POT1: variants seen among roughly 807,000 people sequenced by gnomAD.
POT1 encodes protection of telomeres 1.
POT1 carries 47 observed loss-of-function variants against 78.5 expected under a neutral mutation model. That is an observed-to-expected ratio of 0.60 (90% CI 0.47 to 0.76). The LOEUF is 0.76. Ranked by LOEUF, POT1 falls within the 30% of genes least tolerant of loss-of-function variation. The probability of loss-of-function intolerance (pLI) is 0.00; values close to 1 mark genes in which losing one functional copy is unlikely to be tolerated. For synonymous variants in POT1, 259 were observed against 260.7 expected (o/e 0.99, Z 0.06); for missense variants, 646 against 749.9 (o/e 0.86, Z 1.62).
chr7:124,927,801 C>G (rs1258995629), intron 2 of POT1, among the ~76,000 whole-genome samples: 1 of 152,138 alleles, frequency 6.6e-6, no homozygotes, highest in East Asian at 1.9e-4. Context: ...GTATGTACCC[C>G]CTATTTTCTT....
chr7:124,919,872 T>A (rs962548750), intron 2 of POT1, among the ~76,000 whole-genome samples: 4 of 152,146 alleles, frequency 2.6e-5, no homozygotes, highest in African/African-American at 9.7e-5. Flanking sequence ...ACAAACTCCG[T>A]GTGCACGTTA....
At chr7:124,844,552 C>T (rs1269258407) in intron 12 of POT1, among the ~76,000 whole-genome samples, 3 of 150,170 alleles carry the variant, frequency 2.0e-5, no homozygotes, top group African/African-American at 2.4e-5. Flanking sequence ...CTGGCTAACA[C>T]GGTGAAACCC....
intron 7 of POT1, among the ~76,000 whole-genome samples, chr7:124,866,557 A>G (rs1477828117): frequency 6.6e-6 from 1 of 152,174 alleles, no homozygotes; most frequent in Non-Finnish European, 1.5e-5. Context: ...ACTTTTAGAC[A>G]TCCCCTTCTG....
intron 17 of POT1, among the ~76,000 whole-genome samples, chr7:124,826,355 T>C (rs938222513): frequency 6.6e-6 from 1 of 152,186 alleles, no homozygotes; most frequent in South Asian, 2.1e-4. Flanking sequence ...TTAATGTACA[T>C]CCTTTAGCTG....
intron 3 of POT1, among the ~76,000 whole-genome samples, chr7:124,907,828 A>AT (rs1469659168): frequency 6.6e-6 from 1 of 152,120 alleles, no homozygotes; most frequent in East Asian, 1.9e-4. Flanking sequence ...TTTAAAAAGT[A>AT]TTTTTTAAAA....
At chr7:124,895,628 G>C (rs931667219) in intron 5 of POT1, among the ~76,000 whole-genome samples, 4 of 151,606 alleles carry the variant, frequency 2.6e-5, no homozygotes, top group African/African-American at 9.7e-5. Context: ...AACACAAATA[G>C]ACCCTGCACC....
At chr7:124,827,811 C>T (rs897519623) in intron 16 of POT1, among the ~76,000 whole-genome samples, 3 of 152,018 alleles carry the variant, frequency 2.0e-5, no homozygotes, top group Non-Finnish European at 2.9e-5. Flanking sequence ...ATCACCTGGG[C>T]GGATCTTGAG....
chr7:124,897,765 G>C (rs1456965116), intron 4 of POT1, among the ~76,000 whole-genome samples: 1 of 151,856 alleles, frequency 6.6e-6, no homozygotes, highest in East Asian at 1.9e-4. Flanking sequence ...GCAGATGTTG[G>C]CCTGCAGGCT....
intron 6 of POT1, among the ~76,000 whole-genome samples, chr7:124,884,531 C>T (rs1398339950): frequency 1.3e-5 from 2 of 152,014 alleles, no homozygotes; most frequent in African/African-American, 4.8e-5. Context: ...TGGAACAGAC[C>T]ATACCTGAGG....
intron 2 of POT1, among the ~76,000 whole-genome samples, chr7:124,926,671 G>A (rs1797281266): frequency 1.3e-5 from 2 of 152,152 alleles, no homozygotes; most frequent in South Asian, 4.1e-4. Flanking sequence ...ACAAAGATAT[G>A]CAATCAACCA....
intron 13 of POT1, among the ~76,000 whole-genome samples, chr7:124,841,500 T>C (rs566287694): frequency 6.6e-6 from 1 of 151,936 alleles, no homozygotes; most frequent in Non-Finnish European, 1.5e-5. Context: ...CTGTAAAGAA[T>C]GCTAAATTTC....
intron 8 of POT1, among the ~76,000 whole-genome samples, chr7:124,859,648 T>A (rs185538154): frequency 6.6e-6 from 1 of 151,388 alleles, no homozygotes; most frequent in East Asian, 1.9e-4. Context: ...CTTTTTCTTC[T>A]CCAAACCGTA....
At chr7:124,907,423 A>C (rs973699346) in intron 3 of POT1, among the ~76,000 whole-genome samples, 5 of 152,020 alleles carry the variant, frequency 3.3e-5, no homozygotes, top group African/African-American at 1.2e-4. Context: ...TCAACAATTA[A>C]CTTAACTGCT....
chr7:124,875,869 T>C (rs1320733283), intron 6 of POT1, among the ~76,000 whole-genome samples: 1 of 152,206 alleles, frequency 6.6e-6, no homozygotes, highest in Non-Finnish European at 1.5e-5. Context: ...CTAAAATGAC[T>C]TGTGATGGCA....
intron 6 of POT1, among the ~76,000 whole-genome samples, chr7:124,872,133 G>T (rs1283115169): frequency 2.6e-5 from 4 of 151,936 alleles, no homozygotes; most frequent in Non-Finnish European, 5.9e-5. Context: ...TGTCCTCCAG[G>T]TTCATCCATG....
intron 17 of POT1, among the ~76,000 whole-genome samples, chr7:124,825,762 A>G (rs932526471): frequency 6.6e-6 from 1 of 152,170 alleles, no homozygotes; most frequent in African/African-American, 2.4e-5. Context: ...GAAGGAAGGA[A>G]TTTTGTTTAC....
intron 9 of POT1, among the ~76,000 whole-genome samples, chr7:124,858,247 G>A (rs377380027): frequency 6.6e-6 from 1 of 152,132 alleles, no homozygotes; most frequent in South Asian, 2.1e-4. Flanking sequence ...TGTCTTATAG[G>A]AGAGTACCAA....
intron 18 of POT1, 51 bp downstream of exon 18, chr7:124,825,201 G>A (rs1386194267): frequency 8.2e-7 from 1 of 1,213,930 alleles, no homozygotes; most frequent in East Asian, 2.3e-5. Context: ...ATATATGTTA[G>A]TGCTATCTCA....
At chr7:124,915,030 A>G (rs1180572556) in intron 3 of POT1, among the ~76,000 whole-genome samples, 1 of 152,182 alleles carries the variant, frequency 6.6e-6, no homozygotes, top group African/African-American at 2.4e-5. Flanking sequence ...TTATGTAATT[A>G]TTCACTGCAT....
Sources: gnomAD v4.1 joint callset for allele counts (sites outside exome capture counted in the v4.1 genomes callset) on GRCh38, gnomAD v4.1.1 for gene constraint, MANE v1.5 for transcripts, NCBI Gene and HGNC (gene_info 2026-07-23, HGNC 2026-07-21) for gene names.